PIGG: variants seen among roughly 807,000 people sequenced by gnomAD.
PIGG encodes GPI ethanolamine phosphate transferase 2, catalytic subunit.
A neutral mutation model predicts 83.2 loss-of-function variants in PIGG; 70 were observed. The observed-to-expected ratio is 0.84, with a 90% CI of 0.69 to 1.03. The LOEUF (loss-of-function observed/expected upper bound fraction) is 1.03. Ranked by LOEUF, PIGG falls within the 50% of genes least tolerant of loss-of-function variation. The probability of loss-of-function intolerance (pLI) is 0.00; values close to 1 mark genes in which losing one functional copy is unlikely to be tolerated. For synonymous variants in PIGG, 532 were observed against 519.5 expected (o/e 1.02, Z -0.33); for missense variants, 1,257 against 1,233.6 (o/e 1.02, Z -0.28).
At chr4:518,089 C>A (rs2108905617) in intron 6 of PIGG, among the ~76,000 whole-genome samples, 1 of 152,238 alleles carries the variant, frequency 6.6e-6, no homozygotes, top group East Asian at 1.9e-4. Flanking sequence ...TGCTTGGGAA[C>A]CGGATGTGAT....
chr4:531,594 A>G (rs1729075131), intron 11 of PIGG: 1 of 152,482 alleles, frequency 6.6e-6, no homozygotes, highest in Admixed American at 6.5e-5. Context: ...AGCCTTTCCC[A>G]TGGAACAGCC....
At chr4:503,714 A>T (rs1718578417) in intron 2 of PIGG, among the ~76,000 whole-genome samples, 1 of 152,232 alleles carries the variant, frequency 6.6e-6, no homozygotes, top group African/African-American at 2.4e-5. Context: ...TGGAAAAAAG[A>T]TAAAATGCTT....
chr4:525,856 G>A (rs1423370439), intron 9 of PIGG: 1 of 152,296 alleles, frequency 6.6e-6, no homozygotes, highest in Non-Finnish European at 1.5e-5. Flanking sequence ...GCGGAGGGGG[G>A]ACGGGCTGCT....
chr4:499,813 T>A, intron 1 of PIGG: 1 of 1,032,638 alleles, frequency 9.7e-7, no homozygotes, highest in Non-Finnish European at 1.2e-6. Flanking sequence ...TTTGGGTCAC[T>A]CCCCGTTATA....
At chr4:537,167 T>C (rs1730868359) in intron 12 of PIGG, 1 of 152,224 alleles carries the variant, frequency 6.6e-6, no homozygotes, top group African/African-American at 2.4e-5. Flanking sequence ...GTTTCTATTT[T>C]GTTTCAGTAG....
intron 2 of PIGG, among the ~76,000 whole-genome samples, 172 bp downstream of exon 2, chr4:500,773 AC>A (rs1717401451): frequency 1.3e-5 from 2 of 152,152 alleles, no homozygotes; most frequent in South Asian, 4.1e-4. Flanking sequence ...TGGAACTGAG[AC>A]CCATCATTTG....
intron 2 of PIGG, among the ~76,000 whole-genome samples, chr4:500,907 C>A (rs533734411): frequency 1.3e-5 from 2 of 152,282 alleles, no homozygotes; most frequent in East Asian, 3.9e-4. Context: ...CTTCTTTAAT[C>A]GTCACTGGGT....
In PIGG at chr4:530,356, A is replaced by T. The variant is rs1728741159; in HGVS notation, c.2262-80A>T. On this transcript the variant is annotated intron_variant, in intron 10 of 12. Coordinates refer to ENST00000453061, the MANE Select transcript of PIGG (RefSeq NM_001127178.3). ...ACATTTACTGGTTCCCTGGGTAGAT[A>T]GGTGTGTTTTTCATGGGAAAATGTT... 1.4e-5 allele frequency: 13 copies of T among 961,882 alleles called. 1 individual carries two copies. The South Asian group carries it at 2.0e-4, about 14-fold the overall frequency. 59.6% of individuals were successfully genotyped at this position (961,882 alleles called of 1,614,324 possible).
intron 12 of PIGG, among the ~76,000 whole-genome samples, chr4:535,309 T>C (rs2109044558): frequency 6.7e-6 from 1 of 149,884 alleles, no homozygotes; most frequent in South Asian, 2.1e-4. Flanking sequence ...TTGGAGGGGC[T>C]AGTGGCCCCT....
rs1731586273 is a variant in PIGG, at chr4:539,644, A to G, written c.*275A>G. On this transcript the variant is annotated 3_prime_UTR_variant, in exon 13 of 13. Transcript: ENST00000453061. ...ATATGTGTGTTTAAATCAATGAATGAAAAGGTTCTGGACTTTGTTAGAGTC... is the reference window on the plus strand; with the variant it reads ...ATATGTGTGTTTAAATCAATGAATGGAAAGGTTCTGGACTTTGTTAGAGTC... 2.9e-6 allele frequency: 1 copy of G among 342,246 alleles called. No homozygotes were observed. Among genetic ancestry groups the G allele is most frequent in the African/African-American group, 2.1e-5 (1 of 47,190 alleles). 21.2% of individuals were successfully genotyped at this position (342,246 alleles called of 1,614,324 possible). A position where few individuals can be genotyped will look rare whatever the true frequency, so the allele number is the denominator to read the frequency against.
At position 499,271 on chromosome 4, in the gene PIGG, G is replaced by A. The variant is rs1716594837; in HGVS notation, c.-65G>A. The A allele has an allele frequency of 6.4e-7, 1 of 1,552,796 alleles. No homozygotes were observed. The highest frequency in any genetic ancestry group is 8.7e-7 in the Non-Finnish European group (1 of 1,148,942). On this transcript the variant is annotated 5_prime_UTR_variant, in exon 1 of 13. Coordinates refer to ENST00000453061, the MANE Select transcript of PIGG (RefSeq NM_001127178.3). Reference sequence around the variant, plus strand: ...TAGAGGCGGCTACCTGGAGCCGGAAGCGCGGCTGCAGCAGGGCGAGGCTCC... The same window carrying A: ...TAGAGGCGGCTACCTGGAGCCGGAAACGCGGCTGCAGCAGGGCGAGGCTCC...
intron 5 of PIGG, among the ~76,000 whole-genome samples, chr4:512,781 C>G (rs1006837260): frequency 6.6e-6 from 1 of 152,056 alleles, no homozygotes; most frequent in Admixed American, 6.5e-5. Context: ...CACCACTGCA[C>G]TCCAGCTTGG....
chr4:529,019 T>C (rs974891793), intron 10 of PIGG, among the ~76,000 whole-genome samples: 3 of 152,126 alleles, frequency 2.0e-5, no homozygotes, highest in African/African-American at 7.2e-5. Flanking sequence ...TCTGAAATCC[T>C]TTGCACTCAG....
intron 6 of PIGG, among the ~76,000 whole-genome samples, chr4:517,058 G>T (rs1577071922): frequency 6.6e-6 from 1 of 152,084 alleles, no homozygotes; most frequent in Admixed American, 6.5e-5. Context: ...GGGCAGGGCA[G>T]AGGAGATGGC....
chr4:539,065 A>G, intron 12 of PIGG, 88 bp from the exon 13 acceptor site: 1 of 812,378 alleles, frequency 1.2e-6, no homozygotes, highest in Non-Finnish European at 2.1e-6. Flanking sequence ...GGCAAGAGCT[A>G]CTGGAGTCTT....
chr4:518,762 C>T (rs1341045816), intron 6 of PIGG, among the ~76,000 whole-genome samples: 7 of 152,074 alleles, frequency 4.6e-5, no homozygotes, highest in East Asian at 1.9e-4. Flanking sequence ...ACAGCCACAG[C>T]GTCTGGAACC....
intron 2 of PIGG, chr4:500,997 T>G: frequency 5.0e-6 from 2 of 396,680 alleles, no homozygotes; most frequent in South Asian, 3.8e-5. Context: ...CAAACTCAGA[T>G]AAGTTAAATG....
intron 12 of PIGG, among the ~76,000 whole-genome samples, chr4:536,067 C>T (rs1421279177): frequency 1.3e-5 from 2 of 152,236 alleles, no homozygotes; most frequent in Non-Finnish European, 1.5e-5. Context: ...CCTCGCCGCT[C>T]ACGTCCTGTG....
intron 5 of PIGG, among the ~76,000 whole-genome samples, chr4:509,194 A>C (rs1720989737): frequency 6.6e-6 from 1 of 152,170 alleles, no homozygotes; most frequent in Non-Finnish European, 1.5e-5. Flanking sequence ...TGTTGTATGA[A>C]TGTTGCTGCC....
Sources: allele counts gnomAD v4.1 joint callset (sites outside exome capture counted in the v4.1 genomes callset), GRCh38; gene constraint gnomAD v4.1.1; transcripts MANE v1.5; gene names NCBI Gene and HGNC (gene_info 2026-07-23, HGNC 2026-07-21).